The following NBR1 variants were observed in gnomAD, a reference collection of about 807,000 sequenced individuals.
NBR1 encodes next to BRCA1 gene 1 protein.
A neutral mutation model predicts 115.5 loss-of-function variants in NBR1; 59 were observed. The ratio of observed to expected loss-of-function variants is 0.51; its 90% confidence interval spans 0.41 to 0.63. The LOEUF (loss-of-function observed/expected upper bound fraction) is 0.63. Among genes scored for constraint, NBR1 ranks in the 30% least tolerant of loss-of-function variants. NBR1 has a pLI of 0.00. For synonymous variants in NBR1, 373 were observed against 414.7 expected (o/e 0.90, Z 1.22); for missense variants, 1,043 against 1,150.5 (o/e 0.91, Z 1.35).
chr17:43,177,115 A>G (rs1226776003), intron 2 of NBR1, among the ~76,000 whole-genome samples: 2 of 151,868 alleles, frequency 1.3e-5, no homozygotes, highest in African/African-American at 4.8e-5. Context: ...TACCAAAAAA[A>G]TACAAAAATT....
chr17:43,189,268 C>A, intron 7 of NBR1, 149 bp downstream of exon 7: 1 of 660,880 alleles, frequency 1.5e-6, no homozygotes, highest in South Asian at 1.8e-5. Flanking sequence ...CAGTTCCAGT[C>A]GAGAAAGCTC....
intron 5 of NBR1, among the ~76,000 whole-genome samples, chr17:43,181,557 T>C (rs1440906141): frequency 6.6e-6 from 1 of 152,014 alleles, no homozygotes; most frequent in African/African-American, 2.4e-5. Flanking sequence ...TCCCAGCTAC[T>C]TGGGAGGCTG....
chr17:43,209,839 A>T, intron 20 of NBR1, 62 bp from the exon 21 acceptor site: 1 of 1,465,118 alleles, frequency 6.8e-7, no homozygotes, highest in Non-Finnish European at 9.0e-7. Context: ...AAATGTATAA[A>T]ATAAACATTT....
intron 17 of NBR1, 41 bp from the exon 18 acceptor site, chr17:43,201,645 T>C (rs773127997): frequency 8.3e-7 from 1 of 1,203,500 alleles, no homozygotes; most frequent in African/African-American, 1.5e-5. Context: ...TTGCCATAAG[T>C]GCCTTTTCAA....
intron 16 of NBR1, among the ~76,000 whole-genome samples, chr17:43,198,328 C>T (rs1399105281): frequency 6.6e-6 from 1 of 151,904 alleles, no homozygotes; most frequent in Non-Finnish European, 1.5e-5. Context: ...TGACCTATAT[C>T]TTTAAATATT....
chr17:43,208,237 A>T (rs1204956610), intron 20 of NBR1, among the ~76,000 whole-genome samples: 1 of 152,200 alleles, frequency 6.6e-6, no homozygotes. Context: ...AAGCATTTTT[A>T]AAGTTGGGTG....
In NBR1 at chr17:43,175,881, T is replaced by C; in HGVS notation, c.82T>C (p.Trp28Arg). ...GGTTTCTGATCCAGAAAATACAACTTGGGCTGATATCGAAGCTATGGTGAG... is the reference window on the plus strand; with the variant it reads ...GGTTTCTGATCCAGAAAATACAACTCGGGCTGATATCGAAGCTATGGTGAG... ...FLVSDPENTT[W>R]ADIEAMVKVS... The change falls in exon 2 of 21, where the codon TGG becomes CGG. Residue 28 changes from tryptophan (W) to arginine (R), a missense_variant. Physicochemically the swap from Trp to Arg is moderately radical, Grantham distance 101. Transcript: ENST00000590996. The C allele has an allele frequency of 6.3e-7, 1 of 1,596,652 alleles. No homozygotes were observed. Among genetic ancestry groups the C allele is most frequent in the Non-Finnish European group, 8.6e-7 (1 of 1,165,742 alleles).
chr17:43,196,967 G>A lies in NBR1; in HGVS notation c.1887G>A (p.Lys629=). The A allele has an allele frequency of 6.2e-7, 1 of 1,614,050 alleles. No homozygotes were observed. The highest frequency in any genetic ancestry group is 8.5e-7 in the Non-Finnish European group (1 of 1,179,898). The change falls in exon 16 of 21, where the codon AAG becomes AAA. Residue 629 remains lysine (K), a synonymous_variant. Coordinates refer to ENST00000590996, the MANE Select transcript of NBR1 (RefSeq NM_005899.5). The part of the protein sequence containing the change: ...LPDSMVSVKR[K]AENIASVEEA... Reference sequence around the variant, plus strand: ...ATTCTATGGTGTCAGTAAAGAGGAAGGCTGAGAACATTGCTTCTGTGGAGG... The same window carrying A: ...ATTCTATGGTGTCAGTAAAGAGGAAAGCTGAGAACATTGCTTCTGTGGAGG...
chr17:43,197,528 AAAAG>A (rs1461934855), intron 16 of NBR1, among the ~76,000 whole-genome samples: 3 of 151,978 alleles, frequency 2.0e-5, no homozygotes, highest in African/African-American at 7.2e-5. Flanking sequence ...CAAAAAAAAA[AAAAG>A]AAATTCTGAT....
intron 6 of NBR1, among the ~76,000 whole-genome samples, chr17:43,187,404 TCTC>T (rs760216374): frequency 2.6e-5 from 4 of 151,822 alleles, no homozygotes; most frequent in Non-Finnish European, 5.9e-5. Flanking sequence ...ATGGTCTCGA[TCTC>T]CTGACCTCAT....
chr17:43,187,972 G>A (rs1238882010), intron 6 of NBR1, among the ~76,000 whole-genome samples: 2 of 135,972 alleles, frequency 1.5e-5, no homozygotes, highest in Non-Finnish European at 3.1e-5. Context: ...CTCACTGCAA[G>A]CTCTGTCTCC....
chr17:43,181,259 T>C (rs1165699630), intron 5 of NBR1, among the ~76,000 whole-genome samples: 1 of 152,224 alleles, frequency 6.6e-6, no homozygotes, highest in Non-Finnish European at 1.5e-5. Context: ...AACCTGTTTA[T>C]AGGGAGACTG....
intron 12 of NBR1, 89 bp downstream of exon 12, chr17:43,193,727 GT>G (rs939296001): frequency 2.8e-6 from 4 of 1,407,096 alleles, no homozygotes; most frequent in Non-Finnish European, 3.8e-6. Context: ...CTCATAGCTG[GT>G]TGTTTTCCAG....
chr17:43,196,277 T>G (rs1051450723), intron 14 of NBR1, among the ~76,000 whole-genome samples: 1 of 152,222 alleles, frequency 6.6e-6, no homozygotes, highest in African/African-American at 2.4e-5. Flanking sequence ...TAAATAACTG[T>G]GATTCTTCCT....
chr17:43,176,976 A>G (rs182540649), intron 2 of NBR1, among the ~76,000 whole-genome samples: 12 of 152,238 alleles, frequency 7.9e-5, no homozygotes, highest in African/African-American at 2.4e-4. Context: ...GGATCATACT[A>G]TAAACATTAT....
chr17:43,178,837 G>C (rs914629507), intron 3 of NBR1, among the ~76,000 whole-genome samples: 3 of 143,342 alleles, frequency 2.1e-5, no homozygotes, highest in Non-Finnish European at 3.0e-5. Context: ...GGCATAGCTT[G>C]CTGCAACCTA....
chr17:43,187,084 G>A (rs927666144), intron 6 of NBR1, among the ~76,000 whole-genome samples: 10 of 152,128 alleles, frequency 6.6e-5, no homozygotes, highest in African/African-American at 9.7e-5. Context: ...AGATCCCTGA[G>A]GAATCGCCAC....
chr17:43,191,943 A>T (rs2154582202), intron 10 of NBR1, among the ~76,000 whole-genome samples: 1 of 149,002 alleles, frequency 6.7e-6, no homozygotes, highest in South Asian at 2.1e-4. Flanking sequence ...GATGGTCTCG[A>T]TCTCTTGACC....
chr17:43,196,520 C>A lies in NBR1; in HGVS notation c.1790C>A (p.Pro597His), dbSNP rs770371540. ...ATGTCTCCTCTGCCACATGACAGTC[C>A]TTTAATAGAGAAGCCAGGCTTGGGG... is the stretch of plus-strand genomic sequence containing the variant. Reference protein sequence around the residue: ...PCMSPLPHDSPLIEKPGLGQI... With the variant: ...PCMSPLPHDSHLIEKPGLGQI... Residue 597 changes from proline (P) to histidine (H), a missense_variant, in exon 15 of 21, where the codon CCT (proline) becomes CAT (histidine). By Grantham distance (77) the Pro-to-His change is moderately conservative. Coordinates refer to ENST00000590996, the MANE Select transcript of NBR1 (RefSeq NM_005899.5). The A allele has an allele frequency of 1.2e-6, 2 of 1,603,864 alleles. No homozygotes were observed. Among genetic ancestry groups the A allele is most frequent in the East Asian group, 2.2e-5 (1 of 44,652 alleles).
Sources: gnomAD v4.1 joint callset for allele counts (sites outside exome capture counted in the v4.1 genomes callset) on GRCh38, gnomAD v4.1.1 for gene constraint, MANE v1.5 for transcripts, NCBI Gene and HGNC (gene_info 2026-07-23, HGNC 2026-07-21) for gene names.